The following TFAP2C variants were observed in gnomAD, a reference collection of about 807,000 sequenced individuals.
TFAP2C encodes transcription factor AP-2 gamma.
In TFAP2C, 9 loss-of-function variants were observed where a neutral mutation model predicts 42.9. That is an observed-to-expected ratio of 0.21 (90% CI 0.13 to 0.37). The LOEUF is 0.37. Ranked by LOEUF, TFAP2C falls within the 10% of genes least tolerant of loss-of-function variation. TFAP2C has a pLI of 1.00. For missense variants in TFAP2C, 462 were observed against 591.7 expected (o/e 0.78, Z 2.27); for synonymous variants, 264 against 256.0 (o/e 1.03, Z -0.30).
chr20:56,637,592 A>C, intron 6 of TFAP2C, 136 bp from the exon 7 acceptor site: 1 of 700,594 alleles, frequency 1.4e-6, no homozygotes, highest in Non-Finnish European at 2.4e-6. Context: ...GTTGGCTATT[A>C]GTATTAAATT....
At chr20:56,634,836 T>G (rs543945245) in intron 5 of TFAP2C, among the ~76,000 whole-genome samples, 1 of 152,306 alleles carries the variant, frequency 6.6e-6, no homozygotes, top group Admixed American at 6.5e-5. Flanking sequence ...AGTGCTAAGA[T>G]AGTAGGACAT....
rs760404594 is a variant in TFAP2C, at chr20:56,631,434, C to T, written c.278C>T (p.Pro93Leu). ...GCCGCCATCAACCCCCTGCACCAGC[C>T]GGCGCCCACAGGCAGCCAGCAGCAG... is the stretch of plus-strand genomic sequence containing the variant. The part of the protein sequence containing the change: ...YAAAINPLHQ[P>L]APTGSQQQAW... Residue 93 changes from proline to leucine, a missense_variant, in exon 2 of 7, where the codon CCG becomes CTG. Coordinates refer to ENST00000201031, the MANE Select transcript of TFAP2C (RefSeq NM_003222.4). This position sits in a 1 kb window ranked among gnomAD's most constrained non-coding sequence, Gnocchi z 6.1. 1.3e-6 allele frequency: 2 copies of T among 1,587,960 alleles called. No individual in the cohort carries two copies. Among genetic ancestry groups the T allele is most frequent in the Non-Finnish European group, 1.7e-6 (2 of 1,169,232 alleles).
Sources: allele counts gnomAD v4.1 joint callset (sites outside exome capture counted in the v4.1 genomes callset), GRCh38; gene constraint gnomAD v4.1.1; non-coding constraint Gnocchi (gnomAD v3.1); transcripts MANE v1.5; gene names NCBI Gene and HGNC (gene_info 2026-07-23, HGNC 2026-07-21).